The following PPARG variants were observed in gnomAD, a reference collection of about 807,000 sequenced individuals.
PPARG encodes peroxisome proliferator-activated receptor gamma.
Under a neutral mutation model 39.2 loss-of-function variants are expected in PPARG, and 17 were observed. The observed-to-expected ratio is 0.43, with a 90% CI of 0.30 to 0.65. The LOEUF (loss-of-function observed/expected upper bound fraction) is 0.65. Among genes scored for constraint, PPARG ranks in the 30% least tolerant of loss-of-function variants. PPARG has a pLI of 0.13. For missense variants in PPARG, 406 were observed against 585.9 expected (o/e 0.69, Z 3.17); for synonymous variants, 223 against 215.7 (o/e 1.03, Z -0.30).
intron 5 of PPARG, among the ~76,000 whole-genome samples, chr3:12,404,833 T>A (rs1014476423): frequency 6.6e-6 from 1 of 152,068 alleles, no homozygotes; most frequent in Non-Finnish European, 1.5e-5. Context: ...AATAAAAATC[T>A]CTTTGTTCTG....
intron 6 of PPARG, among the ~76,000 whole-genome samples, chr3:12,413,540 G>A (rs1201813615): frequency 6.6e-6 from 1 of 152,164 alleles, no homozygotes; most frequent in Non-Finnish European, 1.5e-5. Flanking sequence ...CGGGCATGGT[G>A]GCTCATGCCT....
chr3:12,391,663 A>G (rs1488276593), intron 4 of PPARG, among the ~76,000 whole-genome samples: 2 of 152,196 alleles, frequency 1.3e-5, no homozygotes, highest in East Asian at 3.8e-4. Flanking sequence ...GCTATTAATT[A>G]TTTAAATGAA....
chr3:12,306,209 C>T (rs778817255), intron 1 of PPARG, among the ~76,000 whole-genome samples: 1 of 152,164 alleles, frequency 6.6e-6, no homozygotes, highest in Non-Finnish European at 1.5e-5. Context: ...AAGCATGCAA[C>T]ATAGATCCCT....
chr3:12,295,839 TTAGGAC>T (rs1326541938), intron 1 of PPARG, among the ~76,000 whole-genome samples: 1 of 152,098 alleles, frequency 6.6e-6, no homozygotes. Context: ...TTGGTGACTT[TTAGGAC>T]TAGAGCAGTT....
At chr3:12,418,261 G>A (rs903547839) in intron 7 of PPARG, among the ~76,000 whole-genome samples, 12 of 152,036 alleles carry the variant, frequency 7.9e-5, no homozygotes, top group Non-Finnish European at 1.8e-4. Flanking sequence ...AAGCCACCAC[G>A]CACAATCTAA....
intron 2 of PPARG, among the ~76,000 whole-genome samples, chr3:12,361,290 T>C (rs1345992570): frequency 6.6e-6 from 1 of 152,230 alleles, no homozygotes; most frequent in East Asian, 1.9e-4. Flanking sequence ...GTCAGATACA[T>C]GTATTGTAAA....
Position 12,360,863 on chromosome 3 carries a change from G to A in PPARG, c.-8-18841G>A, listed in dbSNP as rs115840873. Among the ~76,000 whole-genome samples, 673 of 152,174 alleles carry A rather than the reference G, an allele frequency of 4.4e-3. 2 individuals carry two copies. The highest frequency in any genetic ancestry group is 8.0e-3 in the Non-Finnish European group (544 of 68,008). On this transcript the variant is annotated intron_variant, in intron 2 of 7. Coordinates refer to ENST00000651735, the MANE Select transcript of PPARG (RefSeq NM_138711.6). Reference sequence around the variant, plus strand: ...GGGCATTCAGATGGTTTTCAGTATTGCAAATAGTACTGCTATGAACATTGT... The same window carrying A: ...GGGCATTCAGATGGTTTTCAGTATTACAAATAGTACTGCTATGAACATTGT...
intron 6 of PPARG, among the ~76,000 whole-genome samples, chr3:12,413,052 A>T (rs755412768): frequency 9.9e-5 from 15 of 152,230 alleles, no homozygotes; most frequent in Non-Finnish European, 1.8e-4. Flanking sequence ...TTTGTAAAAA[A>T]TACAAAAAAA....
chr3:12,301,334 A>G (rs2046920769), intron 1 of PPARG, among the ~76,000 whole-genome samples: 1 of 152,204 alleles, frequency 6.6e-6, no homozygotes, highest in African/African-American at 2.4e-5. Flanking sequence ...TGTTATTCAG[A>G]CTTACTACTC....
chr3:12,327,357 TTATA>T (rs2047723852), intron 2 of PPARG, among the ~76,000 whole-genome samples: 1 of 152,206 alleles, frequency 6.6e-6, no homozygotes, highest in African/African-American at 2.4e-5. Context: ...AGCATTTTCT[TTATA>T]TTTAGATAAT....
chr3:12,422,072 T>A (rs4135291), intron 7 of PPARG, among the ~76,000 whole-genome samples: 1,834 of 152,356 alleles, frequency 0.012, 17 homozygotes, highest in Non-Finnish European at 0.019. Flanking sequence ...GGCTCCCCCA[T>A]GGGTCATACC....
intron 2 of PPARG, among the ~76,000 whole-genome samples, chr3:12,315,533 T>C (rs150924203): frequency 1.5e-3 from 229 of 152,336 alleles, no homozygotes; most frequent in African/African-American, 5.3e-3. Context: ...AAGGTCACAA[T>C]GGAGTCACTA....
chr3:12,367,433 A>G (rs1224467498), intron 2 of PPARG, among the ~76,000 whole-genome samples: 1 of 152,192 alleles, frequency 6.6e-6, no homozygotes, highest in African/African-American at 2.4e-5. Flanking sequence ...AGGAAGCAGA[A>G]GAAATGTTTA....
At chr3:12,369,994 C>T (rs2049152301) in intron 2 of PPARG, among the ~76,000 whole-genome samples, 1 of 152,138 alleles carries the variant, frequency 6.6e-6, no homozygotes, top group Admixed American at 6.5e-5. Flanking sequence ...CCTGGGACTA[C>T]CTTCCACCTC....
chr3:12,416,891 A>C lies in PPARG; in HGVS notation c.917A>C (p.Asn306Thr). 1 of 1,614,080 alleles carries C rather than the reference A, an allele frequency of 6.2e-7. No individual in the cohort carries two copies. The highest frequency in any genetic ancestry group is 8.5e-7 in the Non-Finnish European group (1 of 1,179,988). The change falls in exon 7 of 8, where the codon AAT becomes ACT. Residue 306 changes from asparagine (N) to threonine (T), a missense_variant. Transcript: ENST00000651735. ...GCCAAAAGCATTCCTGGTTTTGTAA[A>C]TCTTGACTTGAACGACCAAGTAACT... is the stretch of plus-strand genomic sequence containing the variant. ...EYAKSIPGFV[N>T]LDLNDQVTLL...
intron 5 of PPARG, among the ~76,000 whole-genome samples, chr3:12,400,299 T>A (rs1263550221): frequency 6.6e-6 from 1 of 152,234 alleles, no homozygotes; most frequent in African/African-American, 2.4e-5. Context: ...TTTAAAAACA[T>A]GCCGATTAAT....
chr3:12,401,435 A>G (rs1271789007), intron 5 of PPARG, among the ~76,000 whole-genome samples: 2 of 152,198 alleles, frequency 1.3e-5, no homozygotes, highest in East Asian at 1.9e-4. Context: ...CCACAGCAAT[A>G]AAAGCTGTGT....
At chr3:12,421,289 T>C (rs1157753237) in intron 7 of PPARG, among the ~76,000 whole-genome samples, 1 of 152,196 alleles carries the variant, frequency 6.6e-6, no homozygotes. Context: ...GGAACAGCGC[T>C]TCCTTGGTCA....
At chr3:12,351,755 C>A in intron 2 of PPARG, 1 of 1,130,894 alleles carries the variant, frequency 8.8e-7, no homozygotes, top group Non-Finnish European at 1.3e-6. Flanking sequence ...GTTTGTCTTC[C>A]AGGTTGTGTT....
Sources: gnomAD v4.1 joint callset for allele counts (sites outside exome capture counted in the v4.1 genomes callset) on GRCh38, gnomAD v4.1.1 for gene constraint, MANE v1.5 for transcripts, NCBI Gene and HGNC (gene_info 2026-07-23, HGNC 2026-07-21) for gene names.